Variants in SGCD observed in about 807,000 individuals in gnomAD.
The protein encoded by SGCD is sarcoglycan delta.
SGCD carries 18 observed loss-of-function variants against 36.6 expected under a neutral mutation model. The observed-to-expected ratio is 0.49, with a 90% confidence interval of 0.34 to 0.73. The LOEUF (loss-of-function observed/expected upper bound fraction) is 0.73, where lower values mean the gene tolerates loss of function less well. Ranked by LOEUF, SGCD falls within the 30% of genes least tolerant of loss-of-function variation. The probability of loss-of-function intolerance (pLI) is 0.01; values close to 1 mark genes in which losing one functional copy is unlikely to be tolerated. For synonymous variants in SGCD, 133 were observed against 130.6 expected (o/e 1.02, Z -0.12); for missense variants, 387 against 346.7 (o/e 1.12, Z -0.92).
intron 1 of SGCD, among the ~76,000 whole-genome samples, chr5:155,889,869 G>C (rs547673128): frequency 1.3e-5 from 2 of 152,132 alleles, no homozygotes; most frequent in African/African-American, 4.8e-5. Context: ...CCTTGGGCTG[G>C]TTGGGCTGGA....
chr5:156,384,457 G>A (rs913609352), intron 3 of SGCD, among the ~76,000 whole-genome samples: 1 of 152,084 alleles, frequency 6.6e-6, no homozygotes, highest in African/African-American at 2.4e-5. Flanking sequence ...CTTTCACTAG[G>A]ATAGGAATTC....
intron 3 of SGCD, among the ~76,000 whole-genome samples, chr5:156,352,938 G>A (rs1769328900): frequency 6.6e-6 from 1 of 152,200 alleles, no homozygotes; most frequent in African/African-American, 2.4e-5. Context: ...TTTTCATGAA[G>A]ACAAGTTGAA....
intron 6 of SGCD, among the ~76,000 whole-genome samples, chr5:156,600,683 A>G (rs1191158389): frequency 1.3e-5 from 2 of 152,180 alleles, no homozygotes; most frequent in Admixed American, 1.3e-4. Context: ...TACTTTGGGT[A>G]TATATCCTGT....
At chr5:156,131,885 A>G (rs1053502075) in intron 3 of SGCD, among the ~76,000 whole-genome samples, 1 of 152,190 alleles carries the variant, frequency 6.6e-6, no homozygotes, top group Non-Finnish European at 1.5e-5. Flanking sequence ...CACCTCCACA[A>G]TTTGTATTAC....
the SGCD span, among the ~76,000 whole-genome samples, chr5:155,772,917 G>A: frequency 6.6e-6 from 1 of 152,098 alleles, no homozygotes; most frequent in African/African-American, 2.4e-5. Context: ...CAAGTCAACA[G>A]TTGATTTATA....
At chr5:155,939,768 G>A (rs922429817) in intron 1 of SGCD, among the ~76,000 whole-genome samples, 2 of 151,586 alleles carry the variant, frequency 1.3e-5, no homozygotes, top group African/African-American at 4.9e-5. Flanking sequence ...TAAAATGCAT[G>A]CTGTATACTA....
chr5:156,466,760 C>T (rs1476034018), intron 3 of SGCD, among the ~76,000 whole-genome samples: 3 of 152,062 alleles, frequency 2.0e-5, no homozygotes, highest in Non-Finnish European at 4.4e-5. Flanking sequence ...CTTTTAGATC[C>T]CCCACAAAAG....
intron 1 of SGCD, among the ~76,000 whole-genome samples, chr5:155,992,632 G>T (rs1403644909): frequency 1.3e-5 from 2 of 152,174 alleles, no homozygotes; most frequent in African/African-American, 2.4e-5. Flanking sequence ...AAAGCATTAT[G>T]TGAGTTATCT....
intron 3 of SGCD, among the ~76,000 whole-genome samples, chr5:156,258,015 G>T (rs1191176199): frequency 6.6e-6 from 1 of 152,102 alleles, no homozygotes; most frequent in Non-Finnish European, 1.5e-5. Flanking sequence ...GAACCAGCTG[G>T]TTTTTTTCAT....
intron 3 of SGCD, among the ~76,000 whole-genome samples, chr5:156,145,021 C>G (rs1311116704): frequency 6.6e-6 from 1 of 152,036 alleles, no homozygotes; most frequent in Non-Finnish European, 1.5e-5. Context: ...TTTGGAGGTT[C>G]CAGGGACAGA....
chr5:155,876,876 G>T (rs920457115), intron 1 of SGCD, among the ~76,000 whole-genome samples: 4 of 152,112 alleles, frequency 2.6e-5, no homozygotes, highest in African/African-American at 9.7e-5. Context: ...TGACAATCAT[G>T]TGAAAATATT....
At chr5:155,806,304 G>A in the SGCD span, among the ~76,000 whole-genome samples, 4 of 152,146 alleles carry the variant, frequency 2.6e-5, no homozygotes, top group East Asian at 1.9e-4. Flanking sequence ...ACAGGCACCC[G>A]CCACCATGCC....
chr5:156,744,937 C>T (rs906913160), intron 7 of SGCD, among the ~76,000 whole-genome samples: 1 of 152,210 alleles, frequency 6.6e-6, no homozygotes. Flanking sequence ...AGTCCACCCT[C>T]TGAAAACTAT....
intron 3 of SGCD, among the ~76,000 whole-genome samples, chr5:156,406,940 A>T (rs1036495333): frequency 6.6e-6 from 1 of 151,618 alleles, no homozygotes; most frequent in African/African-American, 2.4e-5. Flanking sequence ...GAGGAGAGCC[A>T]GTCCTAGTCT....
chr5:155,797,645 G>A, the SGCD span, among the ~76,000 whole-genome samples: 1 of 152,134 alleles, frequency 6.6e-6, no homozygotes, highest in African/African-American at 2.4e-5. Context: ...CAGAAGACCC[G>A]AGTTCTAATT....
chr5:156,656,819 T>C (rs1458875339), intron 7 of SGCD, among the ~76,000 whole-genome samples: 2 of 152,198 alleles, frequency 1.3e-5, no homozygotes, highest in Admixed American at 1.3e-4. Context: ...CAGGTTTTAA[T>C]GACAAAGCAG....
At chr5:156,544,616 TA>T (rs879600899) in intron 4 of SGCD, among the ~76,000 whole-genome samples, 3,949 of 138,118 alleles carry the variant, frequency 0.029, 129 homozygotes, top group East Asian at 0.18. Context: ...GAAGGCCAAT[TA>T]AAAAAAAAAA....
chr5:155,771,536 G>A, the SGCD span, among the ~76,000 whole-genome samples: 1 of 151,802 alleles, frequency 6.6e-6, no homozygotes, highest in African/African-American at 2.4e-5. Context: ...CGATTCTCCT[G>A]CTTCAGCCTA....
chr5:156,326,881 C>G (rs1180444791), upstream of SGCD: 3 of 152,362 alleles, frequency 2.0e-5, no homozygotes, highest in Non-Finnish European at 2.9e-5. Context: ...CGGCAGACAC[C>G]ATGAGCGCTG....
Sources: allele counts gnomAD v4.1 joint callset (sites outside exome capture counted in the v4.1 genomes callset), GRCh38; gene constraint gnomAD v4.1.1; transcripts MANE v1.5; gene names NCBI Gene and HGNC (gene_info 2026-07-23, HGNC 2026-07-21).